HTR4: variants seen among roughly 807,000 people sequenced by gnomAD.
The protein encoded by HTR4 is 5-hydroxytryptamine (serotonin) receptor 4, G protein-coupled.
In HTR4, 16 loss-of-function variants were observed where a neutral mutation model predicts 36.8. The observed-to-expected ratio is 0.43, with a 90% CI of 0.29 to 0.66. The LOEUF is 0.66. HTR4 is among the 30% of genes least tolerant of loss of function. HTR4 has a pLI of 0.13. For synonymous variants in HTR4, 189 were observed against 185.1 expected, an observed-to-expected ratio of 1.02 and a Z score of -0.17; for missense variants, 438 against 490.9, an observed-to-expected ratio of 0.89 and a Z score of 1.02.
rs186864513 is a variant in HTR4 at position 148,456,940 on chromosome 5, C to G, written c.1077-5668G>C. Among the ~76,000 whole-genome samples, 38 of 152,280 alleles carry G rather than the reference C, an allele frequency of 2.5e-4. No homozygotes were observed. The East Asian group carries it at 7.2e-3, about 29-fold the overall frequency. The stretch of plus-strand genomic sequence containing the variant: ...TCAGTACAAAATTCCCAATTCAGTG[C>G]AGAAATCCTTTCCTCAGTAACTGAA... On this transcript the variant is annotated intron_variant, in intron 5 of 5. Transcript: ENST00000521530.
At chr5:148,650,931 T>C (rs1441102662) in intron 1 of HTR4, among the ~76,000 whole-genome samples, 1 of 152,168 alleles carries the variant, frequency 6.6e-6, no homozygotes, top group Non-Finnish European at 1.5e-5. Flanking sequence ...AACACCAAGA[T>C]CCCATTCATG....
chr5:148,615,243 C>T (rs1160615704), intron 2 of HTR4, among the ~76,000 whole-genome samples: 1 of 152,034 alleles, frequency 6.6e-6, no homozygotes, highest in Non-Finnish European at 1.5e-5. Flanking sequence ...ATGTTTATTG[C>T]AGCATTATTC....
rs548474142 is a variant in HTR4, at chr5:148,565,734, G to A, written c.27-15472C>T. Among the ~76,000 whole-genome samples, 152 of 152,264 alleles carry A rather than the reference G, an allele frequency of 1.0e-3. 5 individuals are homozygous for A. The South Asian group carries it at 0.032, about 32-fold the overall frequency. On this transcript the variant is annotated intron_variant, in intron 2 of 6. Transcript: ENST00000377888. ...GAAGGTGATGGGAGAGGCAGGTGGA[G>A]AATAATGGTGGGGTTGCCCAAAGAT...
intron 2 of HTR4, among the ~76,000 whole-genome samples, chr5:148,624,879 T>C (rs574889089): frequency 6.6e-6 from 1 of 152,326 alleles, no homozygotes; most frequent in Admixed American, 6.5e-5. Flanking sequence ...TTTTAAATTC[T>C]TCCAACATTA....
chr5:148,501,124 T>A (rs1756917760), intron 6 of HTR4, among the ~76,000 whole-genome samples: 1 of 152,152 alleles, frequency 6.6e-6, no homozygotes. Flanking sequence ...AATAATTAAA[T>A]AAATTTTAAT....
At chr5:148,548,261 A>G (rs1759486362) in intron 4 of HTR4, among the ~76,000 whole-genome samples, 1 of 152,222 alleles carries the variant, frequency 6.6e-6, no homozygotes, top group Admixed American at 6.5e-5. Flanking sequence ...AGAAAAGGTT[A>G]TGTTCAAACA....
intron 5 of HTR4, among the ~76,000 whole-genome samples, chr5:148,510,652 A>T (rs1757454167): frequency 6.6e-6 from 1 of 152,156 alleles, no homozygotes; most frequent in Non-Finnish European, 1.5e-5. Flanking sequence ...TTTTCCAATA[A>T]CTCTAAAGCT....
chr5:148,594,779 T>C (rs146723196), intron 2 of HTR4, among the ~76,000 whole-genome samples: 340 of 152,294 alleles, frequency 2.2e-3, no homozygotes, highest in African/African-American at 7.6e-3. Flanking sequence ...AGGCTGGCTT[T>C]AACCCTAATC....
At chr5:148,646,223 G>A (rs1753873640) in intron 1 of HTR4, 1 of 152,218 alleles carries the variant, frequency 6.6e-6, no homozygotes, top group Admixed American at 6.5e-5. Flanking sequence ...CTGTCCAGGT[G>A]AGCATACCCT....
chr5:148,627,561 T>C (rs938491035), intron 2 of HTR4, among the ~76,000 whole-genome samples: 3 of 152,232 alleles, frequency 2.0e-5, no homozygotes, highest in African/African-American at 4.8e-5. Context: ...ATGATTAGTA[T>C]TGAACATTCA....
intron 6 of HTR4, among the ~76,000 whole-genome samples, chr5:148,493,478 T>C (rs909715566): frequency 1.3e-5 from 2 of 152,256 alleles, no homozygotes; most frequent in African/African-American, 4.8e-5. Flanking sequence ...AATGCTCTTT[T>C]ATTTACATTC....
intron 2 of HTR4, among the ~76,000 whole-genome samples, chr5:148,576,053 A>G (rs552980973): frequency 1.1e-4 from 16 of 150,426 alleles, no homozygotes; most frequent in Non-Finnish European, 1.9e-4. Context: ...ATACAAAATC[A>G]ATGTAAAAAA....
chr5:148,634,723 C>G (rs1294794012), intron 2 of HTR4, among the ~76,000 whole-genome samples: 2 of 152,112 alleles, frequency 1.3e-5, no homozygotes, highest in African/African-American at 4.8e-5. Flanking sequence ...ATGTTTTGCC[C>G]CTTCCCAAAC....
rs1581362372 is a variant in HTR4 at position 148,484,140 on chromosome 5, G to A, written c.1077-847C>T. ...AAACTAGACCTTAAGTTTTTTGCAA[G>A]CACATAGGAAGATCAAATAATCTAC... On this transcript the variant is annotated intron_variant, in intron 6 of 6. Transcript: ENST00000377888. 1.6e-5 allele frequency: 17 copies of A among 1,062,392 alleles called. No homozygotes were observed. In the South Asian group the frequency reaches 1.9e-4, roughly 12 times the overall value. The allele number at this position is 1,062,392 out of a possible 1,614,324, so 65.8% of individuals were successfully genotyped here.
chr5:148,459,869 G>A (rs985517118), intron 5 of HTR4, among the ~76,000 whole-genome samples: 2 of 152,148 alleles, frequency 1.3e-5, no homozygotes, highest in East Asian at 3.9e-4. Flanking sequence ...AAACAACTGT[G>A]ATTAATATGC....
At chr5:148,523,382 G>A (rs201866413) in intron 4 of HTR4, 36 bp from the exon 5 acceptor site, 287 of 1,546,492 alleles carry the variant, frequency 1.9e-4, no homozygotes, top group Non-Finnish European at 2.2e-4. Context: ...ATAGGCATGG[G>A]CAAGGAGGAA....
In HTR4 at chr5:148,609,817, C is replaced by A. The variant is rs557996562; in HGVS notation, c.26+27172G>T. Among the ~76,000 whole-genome samples, 540 of 152,270 alleles carry A rather than the reference C, an allele frequency of 3.5e-3. 2 individuals are homozygous for A. Among genetic ancestry groups the A allele is most frequent in the African/African-American group, 0.013 (523 of 41,544 alleles). ...TCCTGAACTCGTGATCCACCCACCT[C>A]AGCCTCCCAAAGTACTGGGATTACA... On this transcript the variant is annotated intron_variant, in intron 2 of 6. Transcript: ENST00000377888.
At chr5:148,494,967 G>A (rs1478977785) in intron 6 of HTR4, among the ~76,000 whole-genome samples, 2 of 152,186 alleles carry the variant, frequency 1.3e-5, no homozygotes, top group African/African-American at 2.4e-5. Flanking sequence ...GTGGATGATG[G>A]AGGATGATAG....
At chr5:148,458,020 A>AATATAATATATT (rs1755156404) in intron 5 of HTR4, among the ~76,000 whole-genome samples, 1 of 131,682 alleles carries the variant, frequency 7.6e-6, no homozygotes, top group Non-Finnish European at 1.6e-5. Flanking sequence ...TAAATATTAA[A>AATATAATATATT]TTAAGATATA....
Sources: allele counts gnomAD v4.1 joint callset (sites outside exome capture counted in the v4.1 genomes callset), GRCh38; gene constraint gnomAD v4.1.1; transcripts MANE v1.5; gene names NCBI Gene and HGNC (gene_info 2026-07-23, HGNC 2026-07-21).